The following ROBO2 variants were observed in gnomAD, a reference collection of about 807,000 sequenced individuals.
The protein encoded by ROBO2 is roundabout homolog 2.
Under a neutral mutation model 160.8 loss-of-function variants are expected in ROBO2, and 53 were observed. That is an observed-to-expected ratio of 0.33 (90% CI 0.26 to 0.41). The LOEUF is 0.41. ROBO2 is among the 10% of genes least tolerant of loss of function. The pLI is 1.00. For synonymous variants in ROBO2, 664 were observed against 611.7 expected (o/e 1.09, Z -1.26); for missense variants, 1,577 against 1,722.4 (o/e 0.92, Z 1.49).
intron 2 of ROBO2, among the ~76,000 whole-genome samples, chr3:76,145,511 C>A (rs1160301218): frequency 6.6e-6 from 1 of 151,778 alleles, no homozygotes; most frequent in Non-Finnish European, 1.5e-5. Flanking sequence ...TGATGAGCTA[C>A]CTTTTATACA....
intron 2 of ROBO2, among the ~76,000 whole-genome samples, chr3:76,948,344 A>C (rs2078699755): frequency 6.6e-6 from 1 of 152,096 alleles, no homozygotes; most frequent in East Asian, 1.9e-4. Context: ...TTATCAATTA[A>C]TGTTTTCTAA....
chr3:76,896,516 C>T (rs1362779409), intron 2 of ROBO2, among the ~76,000 whole-genome samples: 1 of 151,858 alleles, frequency 6.6e-6, no homozygotes, highest in Non-Finnish European at 1.5e-5. Flanking sequence ...CAAATAAATG[C>T]TATTGGGTGA....
At chr3:76,994,524 T>C (rs570563720) in intron 2 of ROBO2, among the ~76,000 whole-genome samples, 1 of 152,318 alleles carries the variant, frequency 6.6e-6, no homozygotes, top group South Asian at 2.1e-4. Context: ...ACATTTGTCT[T>C]CTAATTTTCT....
chr3:76,932,445 C>T (rs2077409420), intron 2 of ROBO2, among the ~76,000 whole-genome samples: 1 of 152,020 alleles, frequency 6.6e-6, no homozygotes, highest in South Asian at 2.1e-4. Context: ...CACACACATA[C>T]ACGTGTCACA....
chr3:77,614,634 CT>C (rs2094724838), intron 21 of ROBO2, among the ~76,000 whole-genome samples: 1 of 152,128 alleles, frequency 6.6e-6, no homozygotes, highest in Non-Finnish European at 1.5e-5. Flanking sequence ...TTATAACTAA[CT>C]TTGAAGGAAG....
At chr3:77,586,173 C>G (rs1418172760) in intron 16 of ROBO2, among the ~76,000 whole-genome samples, 6 of 152,062 alleles carry the variant, frequency 3.9e-5, no homozygotes, top group Non-Finnish European at 5.9e-5. Flanking sequence ...TCATAGTGTC[C>G]ATAATTCTGC....
intron 2 of ROBO2, among the ~76,000 whole-genome samples, chr3:75,998,312 C>A (rs919452033): frequency 1.3e-5 from 2 of 152,124 alleles, no homozygotes; most frequent in Admixed American, 1.3e-4. Flanking sequence ...TTATAATAAA[C>A]ATAAATTACA....
chr3:77,139,938 G>A (rs1419355657), intron 2 of ROBO2, among the ~76,000 whole-genome samples: 1 of 152,154 alleles, frequency 6.6e-6, no homozygotes, highest in Non-Finnish European at 1.5e-5. Flanking sequence ...AAAACTCAGA[G>A]AGTATATCTT....
intron 2 of ROBO2, among the ~76,000 whole-genome samples, chr3:76,362,299 G>A (rs1376741764): frequency 1.3e-5 from 2 of 152,034 alleles, no homozygotes; most frequent in Non-Finnish European, 2.9e-5. Context: ...GGGATGTTGA[G>A]GCTGCTGTGA....
At position 77,594,131 on chromosome 3, in the gene ROBO2, A is replaced by T. The variant is rs112548946; in HGVS notation, c.2684-1011A>T. Among the ~76,000 whole-genome samples the T allele has an allele frequency of 6.2e-3, 948 of 152,302 alleles. 17 individuals are homozygous for T. The highest frequency in any genetic ancestry group is 0.022 in the African/African-American group (912 of 41,560). On this transcript the variant is annotated intron_variant, in intron 17 of 25. Coordinates refer to ENST00000461745, the Ensembl canonical transcript of ROBO2. ...TTAACTAATTTAATGGCAAAATTTGATCCAAACTAATGTGAAGCTACTTGT... is the reference window on the plus strand; with the variant it reads ...TTAACTAATTTAATGGCAAAATTTGTTCCAAACTAATGTGAAGCTACTTGT...
At chr3:76,542,186 T>C (rs560282352) in intron 2 of ROBO2, among the ~76,000 whole-genome samples, 1 of 152,328 alleles carries the variant, frequency 6.6e-6, no homozygotes, top group South Asian at 2.1e-4. Flanking sequence ...TTTAGGTGCC[T>C]TCTATATTTT....
chr3:77,256,421 T>G (rs1419963353), intron 2 of ROBO2, among the ~76,000 whole-genome samples: 1 of 152,208 alleles, frequency 6.6e-6, no homozygotes, highest in Admixed American at 6.5e-5. Flanking sequence ...TTCCCTTTTA[T>G]GCACAATGAA....
chr3:77,639,749 T>C (rs556859971), intron 24 of ROBO2, among the ~76,000 whole-genome samples: 4 of 151,768 alleles, frequency 2.6e-5, no homozygotes, highest in Non-Finnish European at 4.4e-5. Context: ...CTGGACGGGG[T>C]GTGTATATGT....
At chr3:77,012,725 T>C (rs2061994629) in intron 2 of ROBO2, among the ~76,000 whole-genome samples, 1 of 152,176 alleles carries the variant, frequency 6.6e-6, no homozygotes, top group Admixed American at 6.5e-5. Context: ...TTTTAAAAAT[T>C]CAGGTTGTCA....
At chr3:77,112,720 G>T (rs555032549) in intron 2 of ROBO2, among the ~76,000 whole-genome samples, 1 of 152,274 alleles carries the variant, frequency 6.6e-6, no homozygotes, top group South Asian at 2.1e-4. Flanking sequence ...GAAAGAAAAG[G>T]ATCAGTGGAT....
intron 2 of ROBO2, among the ~76,000 whole-genome samples, chr3:76,277,084 A>G (rs985342719): frequency 6.6e-6 from 1 of 152,042 alleles, no homozygotes; most frequent in African/African-American, 2.4e-5. Flanking sequence ...CACTATCTCA[A>G]CCACCCATGT....
intron 5 of ROBO2, among the ~76,000 whole-genome samples, chr3:77,518,305 C>T (rs182105654): frequency 1.2e-3 from 183 of 151,508 alleles, no homozygotes; most frequent in African/African-American, 3.9e-3. Flanking sequence ...TTTAGCCTAA[C>T]GAGTCAATCA....
chr3:75,954,622 C>A (rs1948663757), intron 2 of ROBO2, among the ~76,000 whole-genome samples: 1 of 151,802 alleles, frequency 6.6e-6, no homozygotes, highest in Non-Finnish European at 1.5e-5. Context: ...CAAAACGAAA[C>A]AAAGCCACAG....
chr3:76,187,552 G>T (rs1701823429), intron 2 of ROBO2, among the ~76,000 whole-genome samples: 1 of 152,092 alleles, frequency 6.6e-6, no homozygotes, highest in African/African-American at 2.4e-5. Flanking sequence ...GGGATTAAAG[G>T]CATGAGACAC....
Sources: gnomAD v4.1 joint callset for allele counts (sites outside exome capture counted in the v4.1 genomes callset) on GRCh38, gnomAD v4.1.1 for gene constraint, MANE v1.5 for transcripts, NCBI Gene and HGNC (gene_info 2026-07-23, HGNC 2026-07-21) for gene names.